Variants in PGGT1B observed in about 807,000 individuals in gnomAD.
The protein encoded by PGGT1B is protein geranylgeranyltransferase type I subunit beta, also known as geranylgeranyl transferase type-1 subunit beta.
Under a neutral mutation model 46.1 loss-of-function variants are expected in PGGT1B, and 30 were observed. The observed-to-expected ratio is 0.65, with a 90% CI of 0.49 to 0.88. PGGT1B has a LOEUF of 0.88. Among genes scored for constraint, PGGT1B ranks in the 40% least tolerant of loss-of-function variants. The pLI is 0.00. For synonymous variants in PGGT1B, 170 were observed against 160.0 expected, an observed-to-expected ratio of 1.06 and a Z score of -0.47; for missense variants, 376 against 455.9, an observed-to-expected ratio of 0.82 and a Z score of 1.60.
intron 2 of PGGT1B, 68 bp from the exon 3 acceptor site, chr5:115,241,674 A>G: frequency 8.6e-7 from 1 of 1,157,460 alleles, no homozygotes; most frequent in Non-Finnish European, 1.2e-6. Context: ...AAGCAGTTTA[A>G]TTACACAATC....
chr5:115,230,932 G>T, intron 6 of PGGT1B, 44 bp downstream of exon 6: 1 of 1,241,966 alleles, frequency 8.1e-7, no homozygotes, highest in African/African-American at 1.5e-5. Context: ...TGTTGTCTAA[G>T]GGAACAAAAG....
chr5:115,232,257 T>A (rs1002334165), intron 5 of PGGT1B, among the ~76,000 whole-genome samples: 1 of 152,014 alleles, frequency 6.6e-6, no homozygotes, highest in African/African-American at 2.4e-5. Context: ...AGGTGAAACA[T>A]CTATAAGCAA....
Position 115,206,704 on chromosome 5 carries a change from C to G in PGGT1B, c.*5698G>C, listed in dbSNP as rs1756076026. On this transcript the variant is annotated 3_prime_UTR_variant, in exon 9 of 9. Transcript: ENST00000419445. Reference sequence around the variant, plus strand: ...ATTACAAAAATGTGGCTGTGAGATCCTTGAAAATGTATCATTGCCTATTTG... The same window carrying G: ...ATTACAAAAATGTGGCTGTGAGATCGTTGAAAATGTATCATTGCCTATTTG... The G allele has an allele frequency of 6.6e-6, 1 of 151,910 alleles. No homozygotes were observed. The highest frequency in any genetic ancestry group is 2.1e-4 in the South Asian group (1 of 4,828). 9.4% of individuals were successfully genotyped at this position (151,910 alleles called of 1,614,324 possible).
chr5:115,254,445 A>C (rs1748229124), intron 1 of PGGT1B, among the ~76,000 whole-genome samples: 1 of 152,116 alleles, frequency 6.6e-6, no homozygotes, highest in South Asian at 2.1e-4. Flanking sequence ...TGCATGAAAC[A>C]AAGTTAGTGT....
At chr5:115,238,871 G>A (rs777934392) in intron 3 of PGGT1B, among the ~76,000 whole-genome samples, 10 of 152,160 alleles carry the variant, frequency 6.6e-5, no homozygotes, top group Non-Finnish European at 1.3e-4. Context: ...GCAAATATCA[G>A]ACGGACCACT....
Position 115,252,355 on chromosome 5 carries a change from CCTTT to C in PGGT1B, c.259+778_259+781del, listed in dbSNP as rs554238522. ...AAGATCGTCTGCCAAACAGAGAAAA[CCTTT>C]CTTTCTAAGTAAAGTTTTAGCTTAT... On this transcript the variant is annotated intron_variant, in intron 2 of 8. Coordinates refer to ENST00000419445, the MANE Select transcript of PGGT1B (RefSeq NM_005023.4). Among the ~76,000 whole-genome samples the C allele has an allele frequency of 2.2e-3, 334 of 151,828 alleles. 1 individual carries two copies. Among genetic ancestry groups the C allele is most frequent in the African/African-American group, 7.6e-3 (314 of 41,466 alleles).
intron 1 of PGGT1B, among the ~76,000 whole-genome samples, chr5:115,258,894 G>GGCTGCTTCATGCAACACCGCA (rs2127036481): frequency 6.6e-6 from 1 of 152,228 alleles, no homozygotes; most frequent in South Asian, 2.1e-4. Context: ...TACTTTAACA[G>GGCTGCTTCATGCAACACCGCA]GCTGCTTCAT....
intron 7 of PGGT1B, among the ~76,000 whole-genome samples, chr5:115,218,115 A>G (rs1010782330): frequency 2.0e-5 from 3 of 151,894 alleles, no homozygotes; most frequent in African/African-American, 7.2e-5. Context: ...AATATTCAGA[A>G]CTAACTATAA....
intron 1 of PGGT1B, chr5:115,262,443 G>GT: frequency 2.1e-6 from 1 of 479,714 alleles, no homozygotes; most frequent in East Asian, 3.7e-5. Context: ...ATGGGAGCGG[G>GT]TAAAAAAGCA....
chr5:115,218,509 A>AC (rs1303391572), intron 7 of PGGT1B, among the ~76,000 whole-genome samples: 1 of 137,278 alleles, frequency 7.3e-6, no homozygotes, highest in African/African-American at 2.7e-5. Context: ...AAAAAAAAAA[A>AC]CCCAAACTCT....
chr5:115,260,075 C>A (rs1414370357), intron 1 of PGGT1B, among the ~76,000 whole-genome samples: 1 of 152,132 alleles, frequency 6.6e-6, no homozygotes. Flanking sequence ...GGATTATAAA[C>A]TAGTAACTAT....
chr5:115,231,037 A>G lies in PGGT1B; in HGVS notation c.613-16T>C, dbSNP rs748702936. The stretch of plus-strand genomic sequence containing the variant: ...TGTCATAGGACTGAAAAAGAAAAAC[A>G]TTGTTCAGTTTAATAGGGAAATAAT... On this transcript the variant is annotated splice_polypyrimidine_tract_variant and intron_variant, in intron 5 of 8. Coordinates refer to ENST00000419445, the MANE Select transcript of PGGT1B (RefSeq NM_005023.4). The G allele has an allele frequency of 4.1e-6, 6 of 1,466,642 alleles. No homozygotes were observed. Among genetic ancestry groups the G allele is most frequent in the Non-Finnish European group, 5.6e-6 (6 of 1,070,800 alleles). 90.9% of individuals were successfully genotyped at this position (1,466,642 alleles called of 1,614,324 possible).
chr5:115,238,997 C>T (rs971292560), intron 3 of PGGT1B, among the ~76,000 whole-genome samples: 11 of 152,000 alleles, frequency 7.2e-5, no homozygotes, highest in African/African-American at 2.7e-4. Flanking sequence ...GTTCACTACC[C>T]TTTTTATAAT....
chr5:115,221,958 C>G lies in PGGT1B; in HGVS notation c.709G>C (p.Glu237Gln). The G allele has an allele frequency of 8.7e-6, 14 of 1,603,818 alleles. No individual in the cohort carries two copies. Among genetic ancestry groups the G allele is most frequent in the Non-Finnish European group, 1.2e-5 (14 of 1,175,764 alleles). Residue 237 changes from glutamate to glutamine, a missense_variant, in exon 7 of 9, where the codon GAA (glutamate) becomes CAA (glutamine). Physicochemically the swap from Glu to Gln is conservative, Grantham distance 29. This residue lies in a region of PGGT1B where 222 missense variants were observed against 313.6 expected (regional missense o/e 0.71). Coordinates refer to ENST00000419445, the MANE Select transcript of PGGT1B (RefSeq NM_005023.4). ...IASLCLMGKL[E>Q]EVFSEKELNR... is the part of the protein sequence containing the mutation. Reference sequence around the variant, plus strand: ...AATTCTTTTTCTGAAAAAACTTCTTCTAGTTTACCCATCAGACATAGTGAG... The same window carrying G: ...AATTCTTTTTCTGAAAAAACTTCTTGTAGTTTACCCATCAGACATAGTGAG...
Position 115,208,280 on chromosome 5 carries a change from G to C in PGGT1B, c.*4122C>G, listed in dbSNP as rs1756122967. 6.6e-6 allele frequency: 1 copy of C among 151,444 alleles called. No homozygotes were observed. The highest frequency in any genetic ancestry group is 1.5e-5 in the Non-Finnish European group (1 of 67,826). The allele number at this position is 151,444 out of a possible 1,614,324, so 9.4% of individuals were successfully genotyped here. On this transcript the variant is annotated 3_prime_UTR_variant, in exon 9 of 9. Transcript: ENST00000419445. ...TTTTTTTCTTTTTTTGGCACTTTGAGGTTCAAGATTCTTTTCCTAGTCTCT... is the reference window on the plus strand; with the variant it reads ...TTTTTTTCTTTTTTTGGCACTTTGACGTTCAAGATTCTTTTCCTAGTCTCT...
At chr5:115,233,656 A>C (rs544132895) in intron 5 of PGGT1B, among the ~76,000 whole-genome samples, 6 of 152,090 alleles carry the variant, frequency 3.9e-5, no homozygotes, top group African/African-American at 1.4e-4. Context: ...GAGTTAAGAA[A>C]ATGGTCAATT....
In PGGT1B at chr5:115,207,180, C is replaced by CATACATATAT. The variant is rs1554069083; in HGVS notation, c.*5221_*5222insATATATGTAT. The CATACATATAT allele has an allele frequency of 2.2e-5, 2 of 89,958 alleles. No homozygotes were observed. The highest frequency in any genetic ancestry group is 3.2e-4 in the South Asian group (1 of 3,166). 5.6% of individuals were successfully genotyped at this position (89,958 alleles called of 1,614,324 possible). ...ACTAGTTTAGGTTTGCATATACATACATATATATATATATATATATATATA... is the reference window on the plus strand; with the variant it reads ...ACTAGTTTAGGTTTGCATATACATACATACATATATATATATATATATATATATATATATA... On this transcript the variant is annotated 3_prime_UTR_variant, in exon 9 of 9. Transcript: ENST00000419445.
chr5:115,260,784 G>C (rs930618340), intron 1 of PGGT1B, among the ~76,000 whole-genome samples: 1 of 152,082 alleles, frequency 6.6e-6, no homozygotes, highest in Non-Finnish European at 1.5e-5. Flanking sequence ...ACCTGGTGTC[G>C]ATCCTATGCT....
intron 3 of PGGT1B, among the ~76,000 whole-genome samples, chr5:115,239,190 C>G (rs956788928): frequency 1.3e-5 from 2 of 152,066 alleles, no homozygotes; most frequent in African/African-American, 4.8e-5. Context: ...CTACAGGCAC[C>G]TGCCACCACA....
Sources: allele counts gnomAD v4.1 joint callset (sites outside exome capture counted in the v4.1 genomes callset), GRCh38; gene constraint gnomAD v4.1.1; regional missense constraint gnomAD v4.1.1; transcripts MANE v1.5; gene names NCBI Gene and HGNC (gene_info 2026-07-23, HGNC 2026-07-21).